The following IRX3 variants were observed in gnomAD, a reference collection of about 807,000 sequenced individuals.
IRX3 encodes iroquois homeobox 3.
In IRX3, 20 loss-of-function variants were observed where a neutral mutation model predicts 36.4. The observed-to-expected ratio is 0.55, with a 90% CI of 0.39 to 0.80. IRX3 has a LOEUF of 0.80. Among genes scored for constraint, IRX3 ranks in the 30% least tolerant of loss-of-function variants. The pLI is 0.00. For synonymous variants in IRX3, 404 were observed against 351.6 expected (o/e 1.15, Z -1.67); for missense variants, 718 against 733.2 (o/e 0.98, Z 0.24).
In IRX3 at chr16:54,283,779, T is replaced by C; in HGVS notation, c.1452-39A>G. ...ACAGTAGTAGCAAAAGAGGTGAGAT[T>C]CAGGAGCGCAGAGGCTGCCTAGGGC... On this transcript the variant is annotated intron_variant, in intron 3 of 3. Transcript: ENST00000329734. This position sits in a 1 kb window ranked among gnomAD's most constrained non-coding sequence, Gnocchi z 4.4. 12 of 1,609,716 alleles carry C rather than the reference T, an allele frequency of 7.5e-6. No individual in the cohort carries two copies. Among genetic ancestry groups the C allele is most frequent in the Non-Finnish European group, 1.0e-5 (12 of 1,178,310 alleles).
rs760579336 is a variant in IRX3 at position 54,285,245 on chromosome 16, C to T, written c.636G>A (p.Glu212=). Residue 212 remains glutamate, a synonymous_variant, in exon 2 of 4, where the codon GAG becomes GAA. Coordinates refer to ENST00000329734, the MANE Select transcript of IRX3 (RefSeq NM_024336.3). This position sits in a 1 kb window ranked among gnomAD's most constrained non-coding sequence, Gnocchi z 5.7. ...EGNAYGSERE[E]EDEEEDEEDG... ...CCTCCTCGTCCTCCTCTTCGTCTTCCTCCTCGCGCTCGCTCCCATAAGCGT... is the reference window on the plus strand; with the variant it reads ...CCTCCTCGTCCTCCTCTTCGTCTTCTTCCTCGCGCTCGCTCCCATAAGCGT... 1 of 1,613,508 alleles carries T rather than the reference C, an allele frequency of 6.2e-7. No individual in the cohort carries two copies. Among genetic ancestry groups the T allele is most frequent in the Admixed American group, 1.7e-5 (1 of 59,884 alleles).
rs183096060 is a variant in IRX3 at position 54,283,817 on chromosome 16, C to T, written c.1452-77G>A. 1.2e-3 allele frequency: 1,869 copies of T among 1,592,560 alleles called. 2 individuals are homozygous for T. Among genetic ancestry groups the T allele is most frequent in the Non-Finnish European group, 1.4e-3 (1,679 of 1,170,228 alleles). ...GGCTGCCTAGGGCGGGGAGATCCTA[C>T]TTGGATTGGGGCCGATCGTCAGGAA... On this transcript the variant is annotated intron_variant, in intron 3 of 3. Transcript: ENST00000329734. The surrounding 1 kb of genome is among the most constrained non-coding windows in gnomAD (Gnocchi z 4.4).
At position 54,285,536 on chromosome 16, in the gene IRX3, G is replaced by A. The variant is rs149004471; in HGVS notation, c.345C>T (p.Pro115=). The A allele has an allele frequency of 6.2e-7, 1 of 1,610,678 alleles. No individual in the cohort carries two copies. Among genetic ancestry groups the A allele is most frequent in the Non-Finnish European group, 8.5e-7 (1 of 1,178,232 alleles). The change falls in exon 2 of 4, where the codon CCC becomes CCT. Residue 115 remains proline, a synonymous_variant. Coordinates refer to ENST00000329734, the MANE Select transcript of IRX3 (RefSeq NM_024336.3). The surrounding 1 kb of genome is among the most constrained non-coding windows in gnomAD (Gnocchi z 5.7). ...AAAAAFPHPH[P]AFYPYGQYQF... ...GGTACTGGCCATACGGGTAGAAGGC[G>A]GGGTGCGGGTGCGGAAACGCGGCAG...
At position 54,286,451 on chromosome 16, in the gene IRX3, C is replaced by A. The variant is rs1307691089; in HGVS notation, c.-401G>T. 1.1e-6 allele frequency: 1 copy of A among 937,156 alleles called. No homozygotes were observed. The highest frequency in any genetic ancestry group is 1.3e-6 in the Non-Finnish European group (1 of 785,938). The allele number at this position is 937,156 out of a possible 1,614,324, so 58.1% of individuals were successfully genotyped here. A position where few individuals can be genotyped will look rare whatever the true frequency, so the allele number is the denominator to read the frequency against. On this transcript the variant is annotated 5_prime_UTR_variant, in exon 1 of 4. Coordinates refer to ENST00000329734, the MANE Select transcript of IRX3 (RefSeq NM_024336.3). ...GCTTCCTTCGCCCTCCTCTAGTTTT[C>A]ACTCCCCCTCCTCGCCCTTCCTCTC...
At position 54,285,885 on chromosome 16, in the gene IRX3, C is replaced by T; in HGVS notation, c.166G>A (p.Val56Met). Residue 56 changes from valine to methionine, a missense_variant, in exon 1 of 4, where the codon GTG (valine) becomes ATG (methionine). Coordinates refer to ENST00000329734, the MANE Select transcript of IRX3 (RefSeq NM_024336.3). This position sits in a 1 kb window ranked among gnomAD's most constrained non-coding sequence, Gnocchi z 5.7. ...GCCGCGGCGTAGGGCGCCCCGTACACGGACGAGAGCACGTTGGACAGGGAC... is the reference window on the plus strand; with the variant it reads ...GCCGCGGCGTAGGGCGCCCCGTACATGGACGAGAGCACGTTGGACAGGGAC... ...SGSLSNVLSS[V>M]YGAPYAAAAA... The T allele has an allele frequency of 2.0e-6, 3 of 1,537,474 alleles. No homozygotes were observed. The highest frequency in any genetic ancestry group is 2.4e-5 in the South Asian group (2 of 82,742).
In IRX3 at chr16:54,284,605, A is replaced by T; in HGVS notation, c.1276T>A (p.Ser426Thr). 1 of 1,383,246 alleles carries T rather than the reference A, an allele frequency of 7.2e-7. No individual in the cohort carries two copies. Among genetic ancestry groups the T allele is most frequent in the Non-Finnish European group, 9.3e-7 (1 of 1,080,840 alleles). 85.7% of individuals were successfully genotyped at this position (1,383,246 alleles called of 1,614,324 possible). The change falls in exon 2 of 4, where the codon TCC becomes ACC. Residue 426 changes from serine (S) to threonine (T), a missense_variant. This residue lies in a region of IRX3 where 468 missense variants were observed against 462.1 expected (regional missense o/e 1.01). Coordinates refer to ENST00000329734, the MANE Select transcript of IRX3 (RefSeq NM_024336.3). The surrounding 1 kb of genome is among the most constrained non-coding windows in gnomAD (Gnocchi z 4.0). ...TGCGGAGGGGCAGAGCCCAGCAGGG[A>T]GAGCGGGTGCAGGCGGGGGCCGGGC... ...PPPGPRLHPL[S>T]LLGSAPPHLL... is the part of the protein sequence containing the mutation.
At position 54,285,787 on chromosome 16, in the gene IRX3, C is replaced by A. The variant is rs1162118357; in HGVS notation, c.264G>T (p.Gln88His). The A allele has an allele frequency of 6.4e-7, 1 of 1,554,124 alleles. No individual in the cohort carries two copies. The highest frequency in any genetic ancestry group is 2.0e-5 in the Admixed American group (1 of 50,096). ...PYAAELPIFP[Q>H]LGAQYELKDS... ...CCCTGGCTCCGCGGGCTCTTACCAG[C>A]TGCGGGAAGATGGGCAGCTCCGCGG... The change falls in exon 1 of 4, where the codon CAG (glutamine) becomes CAT (histidine). Residue 88 changes from glutamine to histidine, a missense_variant. Coordinates refer to ENST00000329734, the MANE Select transcript of IRX3 (RefSeq NM_024336.3). This position sits in a 1 kb window ranked among gnomAD's most constrained non-coding sequence, Gnocchi z 5.7.
chr16:54,285,662 G>A lies in IRX3; in HGVS notation c.268-49C>T. 1 of 1,465,758 alleles carries A rather than the reference G, an allele frequency of 6.8e-7. No individual in the cohort carries two copies. The highest frequency in any genetic ancestry group is 9.0e-7 in the Non-Finnish European group (1 of 1,111,986). The allele number at this position is 1,465,758 out of a possible 1,614,324, so 90.8% of individuals were successfully genotyped here. A position where few individuals can be genotyped will look rare whatever the true frequency, so the allele number is the denominator to read the frequency against. On this transcript the variant is annotated intron_variant, in intron 1 of 3. Coordinates refer to ENST00000329734, the MANE Select transcript of IRX3 (RefSeq NM_024336.3). The surrounding 1 kb of genome is among the most constrained non-coding windows in gnomAD (Gnocchi z 5.7). ...GGACACGCGCGGAGGGAGCGCGAGT[G>A]AGCCCCAGCCATCGCTGCCTCCCCC...
At position 54,285,978 on chromosome 16, in the gene IRX3, C is replaced by A. The variant is rs1435314682; in HGVS notation, c.73G>T (p.Gly25Cys). The A allele has an allele frequency of 2.9e-6, 4 of 1,376,730 alleles. No homozygotes were observed. In the Admixed American group the frequency reaches 1.5e-4, roughly 52 times the overall value. The allele number at this position is 1,376,730 out of a possible 1,614,324, so 85.3% of individuals were successfully genotyped here. A position where few individuals can be genotyped will look rare whatever the true frequency, so the allele number is the denominator to read the frequency against. ...YPSERPGAAGGSGGSAGARGG... is the reference protein window; with the variant it reads ...YPSERPGAAGCSGGSAGARGG... ...CGGGCCCCCGCGCTGCCGCCGCTGCCGCCAGCGGCCCCCGGGCGCTCGGAC... is the reference window on the plus strand; with the variant it reads ...CGGGCCCCCGCGCTGCCGCCGCTGCAGCCAGCGGCCCCCGGGCGCTCGGAC... Residue 25 changes from glycine (G) to cysteine (C), a missense_variant, in exon 1 of 4, where the codon GGC (glycine) becomes TGC (cysteine). Physicochemically the swap from Gly to Cys is radical, Grantham distance 159. This residue lies in a region of IRX3 where 204 missense variants were observed against 181.4 expected (regional missense o/e 1.12). Transcript: ENST00000329734. The surrounding 1 kb of genome is among the most constrained non-coding windows in gnomAD (Gnocchi z 5.7).
chr16:54,284,158 C>A lies in IRX3; in HGVS notation c.1451+88G>T. On this transcript the variant is annotated intron_variant, in intron 3 of 3. Transcript: ENST00000329734. The surrounding 1 kb of genome is among the most constrained non-coding windows in gnomAD (Gnocchi z 4.0). ...GTCCCAGCAGGGTTCCCCCCTACCC[C>A]GGGGCAAAAGGCCGTGCGTGGTGCT... 2 of 1,359,672 alleles carry A rather than the reference C, an allele frequency of 1.5e-6. No homozygotes were observed. Among genetic ancestry groups the A allele is most frequent in the Non-Finnish European group, 2.0e-6 (2 of 976,426 alleles). 84.2% of individuals were successfully genotyped at this position (1,359,672 alleles called of 1,614,324 possible).
rs1334668052 is a variant in IRX3 at position 54,284,666 on chromosome 16, G to A, written c.1215C>T (p.Phe405=). The change falls in exon 2 of 4, where the codon TTC becomes TTT. Residue 405 remains phenylalanine (F), a synonymous_variant. Transcript: ENST00000329734. The surrounding 1 kb of genome is among the most constrained non-coding windows in gnomAD (Gnocchi z 4.0). The stretch of plus-strand genomic sequence containing the variant: ...GAAACGGCCGGTTGGTCCAAGCCGG[G>A]AACTTGCCCAGCGGCGCTGAGACCA... ...HRLVSAPLGK[F]PAWTNRPFPG... 8 of 1,396,574 alleles carry A rather than the reference G, an allele frequency of 5.7e-6. No homozygotes were observed. The highest frequency in any genetic ancestry group is 4.6e-5 in the African/African-American group (3 of 65,608). 86.5% of individuals were successfully genotyped at this position (1,396,574 alleles called of 1,614,324 possible). A position where few individuals can be genotyped will look rare whatever the true frequency, so the allele number is the denominator to read the frequency against.
At position 54,283,959 on chromosome 16, in the gene IRX3, G is replaced by C. The variant is rs1157250729; in HGVS notation, c.1452-219C>G. 2.0e-6 allele frequency: 2 copies of C among 985,252 alleles called. No homozygotes were observed. The highest frequency in any genetic ancestry group is 2.4e-6 in the Non-Finnish European group (2 of 829,892). 61.0% of individuals were successfully genotyped at this position (985,252 alleles called of 1,614,324 possible). On this transcript the variant is annotated intron_variant, in intron 3 of 3. Coordinates refer to ENST00000329734, the MANE Select transcript of IRX3 (RefSeq NM_024336.3). The surrounding 1 kb of genome is among the most constrained non-coding windows in gnomAD (Gnocchi z 4.4). ...GGGCTGGAAAGAGGTGGGCGTCAGA[G>C]AACCGCCACCCGCCCCAGGGGCCTG...
rs1226236203 is a variant in IRX3, at chr16:54,284,889, A to G, written c.992T>C (p.Leu331Pro). ...GGCTGGTGCGGGAGCGCAGGGGTCC[A>G]GGCTCACGGGGGGCGACGGCAGAGA... ...SPSLPSPPVS[L>P]DPCAPAPAPA... Residue 331 changes from leucine to proline, a missense_variant, in exon 2 of 4, where the codon CTG becomes CCG. Leu to Pro is a moderately conservative substitution (Grantham distance 98). Transcript: ENST00000329734. This position sits in a 1 kb window ranked among gnomAD's most constrained non-coding sequence, Gnocchi z 4.0. 1 of 1,569,270 alleles carries G rather than the reference A, an allele frequency of 6.4e-7. No homozygotes were observed. The highest frequency in any genetic ancestry group is 1.2e-5 in the South Asian group (1 of 85,332).
In IRX3 at chr16:54,285,805, C is replaced by T. The variant is rs754783080; in HGVS notation, c.246G>A (p.Glu82=). The change falls in exon 1 of 4, where the codon GAG becomes GAA. Residue 82 remains glutamate, a synonymous_variant. Transcript: ENST00000329734. The surrounding 1 kb of genome is among the most constrained non-coding windows in gnomAD (Gnocchi z 5.7). ...GYGAFLPYAA[E]LPIFPQLGAQ... ...TTACCAGCTGCGGGAAGATGGGCAG[C>T]TCCGCGGCGTAGGGCAGGAAGGCGC... is the stretch of plus-strand genomic sequence containing the variant. The T allele has an allele frequency of 3.8e-6, 6 of 1,563,498 alleles. No homozygotes were observed. Among genetic ancestry groups the T allele is most frequent in the Admixed American group, 1.9e-5 (1 of 51,968 alleles).
Position 54,283,567 on chromosome 16 carries a change from T to C in IRX3, c.*119A>G. 1 of 597,004 alleles carries C rather than the reference T, an allele frequency of 1.7e-6. No homozygotes were observed. The highest frequency in any genetic ancestry group is 2.8e-5 in the East Asian group (1 of 35,444). The allele number at this position is 597,004 out of a possible 1,614,324, so 37.0% of individuals were successfully genotyped here. A position where few individuals can be genotyped will look rare whatever the true frequency, so the allele number is the denominator to read the frequency against. ...TCTTACTTTCTTTGTTTAGTTTTGC[T>C]TTTAGGTATTTATACACGGACATGC... is the stretch of plus-strand genomic sequence containing the variant. On this transcript the variant is annotated 3_prime_UTR_variant, in exon 4 of 4. Transcript: ENST00000329734. The surrounding 1 kb of genome is among the most constrained non-coding windows in gnomAD (Gnocchi z 4.4).
In IRX3 at chr16:54,284,953, G is replaced by C. The variant is rs1401342671; in HGVS notation, c.928C>G (p.Leu310Val). 3 of 1,609,980 alleles carry C rather than the reference G, an allele frequency of 1.9e-6. No individual in the cohort carries two copies. Among genetic ancestry groups the C allele is most frequent in the Non-Finnish European group, 2.5e-6 (3 of 1,178,752 alleles). The part of the protein sequence containing the change: ...LEDRPLPVLS[L>V]APAPPPVAVA... ...GCCACTGGTGGTGGCGCTGGAGCCAGACTCAGGACCGGTAGTGGCCGGTCC... is the reference window on the plus strand; with the variant it reads ...GCCACTGGTGGTGGCGCTGGAGCCACACTCAGGACCGGTAGTGGCCGGTCC... The change falls in exon 2 of 4, where the codon CTG becomes GTG. Residue 310 changes from leucine (L) to valine (V), a missense_variant. By Grantham distance (32) the Leu-to-Val change is conservative. This residue lies in a region of IRX3 where 468 missense variants were observed against 462.1 expected (regional missense o/e 1.01). Transcript: ENST00000329734. The surrounding 1 kb of genome is among the most constrained non-coding windows in gnomAD (Gnocchi z 4.0).
In IRX3 at chr16:54,285,871, G is replaced by T; in HGVS notation, c.180C>A (p.Pro60=). The change falls in exon 1 of 4, where the codon CCC becomes CCA. Residue 60 remains proline (P), a synonymous_variant. Transcript: ENST00000329734. The surrounding 1 kb of genome is among the most constrained non-coding windows in gnomAD (Gnocchi z 5.7). ...SNVLSSVYGA[P]YAAAAAAAAA... ...CGGCGGCCGCAGCGGCCGCGGCGTA[G>T]GGCGCCCCGTACACGGACGAGAGCA... The T allele has an allele frequency of 1.3e-6, 2 of 1,541,592 alleles. No homozygotes were observed. Among genetic ancestry groups the T allele is most frequent in the Non-Finnish European group, 8.7e-7 (1 of 1,145,412 alleles).
Position 54,285,570 on chromosome 16 carries a change from G to T in IRX3, c.311C>A (p.Pro104Gln). Residue 104 changes from proline to glutamine, a missense_variant, in exon 2 of 4, where the codon CCG becomes CAG. Pro to Gln is a moderately conservative substitution (Grantham distance 76, BLOSUM62 -1). Transcript: ENST00000329734. The surrounding 1 kb of genome is among the most constrained non-coding windows in gnomAD (Gnocchi z 5.7). Reference sequence around the variant, plus strand: ...GTGCGGAAACGCGGCAGCCGCGGCCGGATGCTGCACCCCGGGGCTGTCCTT... The same window carrying T: ...GTGCGGAAACGCGGCAGCCGCGGCCTGATGCTGCACCCCGGGGCTGTCCTT... ...ELKDSPGVQH[P>Q]AAAAAFPHPH... 1.3e-6 allele frequency: 2 copies of T among 1,585,382 alleles called. No homozygotes were observed. Among genetic ancestry groups the T allele is most frequent in the Non-Finnish European group, 1.7e-6 (2 of 1,165,510 alleles).
rs1356358029 is a variant in IRX3, at chr16:54,285,000, T to G, written c.881A>C (p.Glu294Ala). The part of the protein sequence containing the change: ...PISDSKNSDS[E>A]DSSEGLEDRP... ...GTCCTCTAAGCCCTCAGAGCTATCT[T>G]CCGAGTCGCTATTTTTGGAGTCCGA... Residue 294 changes from glutamate to alanine, a missense_variant, in exon 2 of 4, where the codon GAA becomes GCA. Around this residue, in one of 3 missense-constraint regions of IRX3, gnomAD observed 468 missense variants for 462.1 expected, o/e 1.01. Coordinates refer to ENST00000329734, the MANE Select transcript of IRX3 (RefSeq NM_024336.3). This position sits in a 1 kb window ranked among gnomAD's most constrained non-coding sequence, Gnocchi z 4.0. 1.2e-6 allele frequency: 2 copies of G among 1,613,452 alleles called. No homozygotes were observed. The highest frequency in any genetic ancestry group is 1.3e-5 in the African/African-American group (1 of 74,866).
Sources: gnomAD v4.1 joint callset for allele counts on GRCh38, gnomAD v4.1.1 for gene constraint, gnomAD v4.1.1 regional missense constraint, Gnocchi (gnomAD v3.1) non-coding constraint, MANE v1.5 for transcripts, NCBI Gene and HGNC (gene_info 2026-07-23, HGNC 2026-07-21) for gene names.